Variants in WNK1 observed in about 807,000 individuals in gnomAD.
WNK1 encodes serine/threonine-protein kinase WNK1.
Under a neutral mutation model 222.8 loss-of-function variants are expected in WNK1, and 38 were observed. That is an observed-to-expected ratio of 0.17 (90% CI 0.13 to 0.22). WNK1 has a LOEUF of 0.22. Ranked by LOEUF, WNK1 falls within the 10% of genes least tolerant of loss-of-function variation. The pLI is 1.00. For synonymous variants in WNK1, 1,090 were observed against 1,092.9 expected (o/e 1.00, Z 0.05); for missense variants, 2,348 against 2,918.4 (o/e 0.80, Z 4.50).
rs186078102 is a variant in WNK1 at position 832,102 on chromosome 12, G to A, written c.1311+1942G>A. On this transcript the variant is annotated intron_variant, in intron 4 of 27. Coordinates refer to ENST00000315939, the MANE Select transcript of WNK1 (RefSeq NM_018979.4). ...TTATTTATTTATTTTTTGAGACGGC[G>A]TCTCGCTCTGTCGCCCAGGCTGGAG... Among the ~76,000 whole-genome samples, 525 of 152,084 alleles carry A rather than the reference G, an allele frequency of 3.5e-3. 3 individuals are homozygous for A. Among genetic ancestry groups the A allele is most frequent in the African/African-American group, 0.011 (472 of 41,520 alleles).
At position 894,703 on chromosome 12, in the gene WNK1, T is replaced by G. The variant is rs907385424; in HGVS notation, c.5583+68T>G. On this transcript the variant is annotated intron_variant, in intron 23 of 27. Transcript: ENST00000315939. ...GGAGTTGTCTATATAATAAAATTAC[T>G]GCCTACCTATTTGGGACACAATTGC... 111 of 1,426,822 alleles carry G rather than the reference T, an allele frequency of 7.8e-5. No individual in the cohort carries two copies. In the African/African-American group the frequency reaches 1.4e-3, roughly 18 times the overall value. 88.4% of individuals were successfully genotyped at this position (1,426,822 alleles called of 1,614,324 possible).
At chr12:861,941 C>T (rs1425050658) in intron 7 of WNK1, 142 bp from the exon 8 acceptor site, 2 of 928,618 alleles carry the variant, frequency 2.2e-6, no homozygotes. Context: ...GGCTACAATT[C>T]ATTTTTTATT....
chr12:758,964 C>G lies in WNK1; in HGVS notation c.759+4640C>G. Among the ~76,000 whole-genome samples, 2 of 146,758 alleles carry G rather than the reference C, an allele frequency of 1.4e-5. 1 individual carries two copies. The highest frequency in any genetic ancestry group is 3.0e-5 in the Non-Finnish European group (2 of 65,898). ...TCAAATTCTGATGCAAGAGCCTAGTCATTTAAAATTTATCTTATTCCACCA... is the reference window on the plus strand; with the variant it reads ...TCAAATTCTGATGCAAGAGCCTAGTGATTTAAAATTTATCTTATTCCACCA... On this transcript the variant is annotated intron_variant, in intron 1 of 27. Transcript: ENST00000315939.
intron 1 of WNK1, among the ~76,000 whole-genome samples, chr12:768,810 G>T (rs550329324): frequency 5.3e-5 from 8 of 151,692 alleles, no homozygotes; most frequent in African/African-American, 1.9e-4. Flanking sequence ...AATGGATGAA[G>T]TTTTTTTGTT....
chr12:891,227 C>T (rs575583975), intron 22 of WNK1, among the ~76,000 whole-genome samples: 6 of 152,168 alleles, frequency 3.9e-5, no homozygotes, highest in Admixed American at 1.3e-4. Context: ...CAACCTCCAC[C>T]TCCCAGGTTC....
At chr12:821,982 A>T (rs1947921402) in intron 2 of WNK1, among the ~76,000 whole-genome samples, 1 of 151,516 alleles carries the variant, frequency 6.6e-6, no homozygotes, top group East Asian at 1.9e-4. Flanking sequence ...TTTTTAAAAA[A>T]TCCATTCTGC....
At chr12:856,047 C>G (rs981955786) in intron 4 of WNK1, among the ~76,000 whole-genome samples, 1 of 151,282 alleles carries the variant, frequency 6.6e-6, no homozygotes, top group African/African-American at 2.4e-5. Flanking sequence ...ACCATGTTGG[C>G]CAGGATGGTC....
rs370768693 is a variant in WNK1 at position 865,215 on chromosome 12, T to C, written c.2139+2945T>C. 1.1e-5 allele frequency: 17 copies of C among 1,535,936 alleles called. No homozygotes were observed. The highest frequency in any genetic ancestry group is 7.3e-5 in the East Asian group (3 of 40,916). Reference sequence around the variant, plus strand: ...CTTCCACCCCACCGCCAGTACTGTCTGCACCTCTTTCTCCTTCCCTCCTCC... The same window carrying C: ...CTTCCACCCCACCGCCAGTACTGTCCGCACCTCTTTCTCCTTCCCTCCTCC... On this transcript the variant is annotated intron_variant, in intron 8 of 27. Transcript: ENST00000315939.
chr12:890,661 A>T lies in WNK1; in HGVS notation c.5509+148A>T, dbSNP rs150143370. ...ATATCTAAAGCTTGAAAGATTAGCAAATTAATAAATCTGTTCCGTTATTAT... is the reference window on the plus strand; with the variant it reads ...ATATCTAAAGCTTGAAAGATTAGCATATTAATAAATCTGTTCCGTTATTAT... On this transcript the variant is annotated intron_variant, in intron 22 of 27. Coordinates refer to ENST00000315939, the MANE Select transcript of WNK1 (RefSeq NM_018979.4). 20 of 872,792 alleles carry T rather than the reference A, an allele frequency of 2.3e-5. No individual in the cohort carries two copies. In the Admixed American group the frequency reaches 3.4e-4, roughly 15 times the overall value. The allele number at this position is 872,792 out of a possible 1,614,324, so 54.1% of individuals were successfully genotyped here.
intron 1 of WNK1, among the ~76,000 whole-genome samples, chr12:797,347 A>G (rs1945409161): frequency 6.6e-6 from 1 of 152,326 alleles, no homozygotes; most frequent in East Asian, 1.9e-4. Context: ...TTTTATGATT[A>G]CCTTCTATAT....
chr12:872,996 G>A (rs1349289372), intron 9 of WNK1, among the ~76,000 whole-genome samples: 2 of 152,182 alleles, frequency 1.3e-5, no homozygotes, highest in Admixed American at 6.5e-5. Flanking sequence ...AACAAGACTG[G>A]TTAAATTCAA....
At chr12:768,498 G>A (rs559244935) in intron 1 of WNK1, among the ~76,000 whole-genome samples, 63 of 152,192 alleles carry the variant, frequency 4.1e-4, no homozygotes, top group Middle Eastern at 6.8e-3. Context: ...TAAGTGGGGA[G>A]CATAGAGATA....
intron 26 of WNK1, 168 bp from the exon 27 acceptor site, chr12:907,679 C>A: frequency 1.2e-6 from 1 of 852,092 alleles, no homozygotes; most frequent in Non-Finnish European, 2.0e-6. Flanking sequence ...CCTATTATAC[C>A]AAAACAAATG....
intron 1 of WNK1, among the ~76,000 whole-genome samples, chr12:774,779 C>T (rs1198205093): frequency 6.6e-6 from 1 of 152,136 alleles, no homozygotes; most frequent in Non-Finnish European, 1.5e-5. Context: ...TTTATGTCTG[C>T]AGAACTTCCC....
At position 812,269 on chromosome 12, in the gene WNK1, T is replaced by A. The variant is rs144803102; in HGVS notation, c.760-1373T>A. Among the ~76,000 whole-genome samples, 899 of 152,286 alleles carry A rather than the reference T, an allele frequency of 5.9e-3. 12 individuals are homozygous for A. The highest frequency in any genetic ancestry group is 0.021 in the African/African-American group (860 of 41,560). ...TTTAAGTCACAGGAATTTTTTATCC[T>A]TGGGGAAATGCTAACTGCTTATTAA... On this transcript the variant is annotated intron_variant, in intron 1 of 27. Coordinates refer to ENST00000315939, the MANE Select transcript of WNK1 (RefSeq NM_018979.4).
intron 2 of WNK1, among the ~76,000 whole-genome samples, chr12:821,763 CTT>C (rs1772603845): frequency 6.6e-6 from 1 of 152,024 alleles, no homozygotes. Context: ...TGGATTGGCC[CTT>C]TTATCAATAC....
At chr12:825,452 C>A (rs1948277136) in intron 2 of WNK1, among the ~76,000 whole-genome samples, 1 of 152,082 alleles carries the variant, frequency 6.6e-6, no homozygotes, top group Admixed American at 6.6e-5. Flanking sequence ...AAATACAAGA[C>A]CTTTGCACAA....
At chr12:801,496 C>T (rs550758628) in intron 1 of WNK1, among the ~76,000 whole-genome samples, 16 of 149,800 alleles carry the variant, frequency 1.1e-4, no homozygotes, top group Non-Finnish European at 2.2e-4. Flanking sequence ...GCAGCCTCAA[C>T]CTCCTGGGCT....
chr12:781,906 T>C (rs1302119898), intron 1 of WNK1, among the ~76,000 whole-genome samples: 4 of 152,304 alleles, frequency 2.6e-5, no homozygotes, highest in African/African-American at 7.2e-5. Flanking sequence ...TGAGTTCTTA[T>C]GGGATTTGTG....
Sources: allele counts gnomAD v4.1 joint callset (sites outside exome capture counted in the v4.1 genomes callset), GRCh38; gene constraint gnomAD v4.1.1; transcripts MANE v1.5; gene names NCBI Gene and HGNC (gene_info 2026-07-23, HGNC 2026-07-21).